DCP2: variants seen among roughly 807,000 people sequenced by gnomAD.
DCP2 encodes the protein m7GpppN-mRNA hydrolase.
Under a neutral mutation model 56.1 loss-of-function variants are expected in DCP2, and 30 were observed. The observed-to-expected ratio is 0.53, with a 90% confidence interval of 0.40 to 0.73. The LOEUF (loss-of-function observed/expected upper bound fraction) is 0.73. DCP2 is among the 30% of genes least tolerant of loss of function. The pLI, the probability that DCP2 is intolerant of heterozygous loss-of-function variation, is 0.00. For missense variants in DCP2, 533 were observed against 502.7 expected, an observed-to-expected ratio of 1.06 and a Z score of -0.58; for synonymous variants, 197 against 163.3, an observed-to-expected ratio of 1.21 and a Z score of -1.57.
intron 1 of DCP2, chr5:112,984,701 A>ATATATATATATATATATATATACAT (rs1181496332): frequency 1.3e-5 from 1 of 79,562 alleles, no homozygotes; most frequent in Non-Finnish European, 2.3e-5. Context: ...AAAAAAAAAA[A>ATATATATATATATATATATATACAT]AAATATATAT....
At chr5:112,992,624 C>A (rs1449610340) in intron 3 of DCP2, 48 bp from the exon 4 acceptor site, 3 of 1,306,014 alleles carry the variant, frequency 2.3e-6, no homozygotes, top group Non-Finnish European at 3.2e-6. Context: ...TAGAAAGGAG[C>A]ATGGAAAAGG....
intron 2 of DCP2, among the ~76,000 whole-genome samples, chr5:112,990,141 G>A (rs1010248932): frequency 1.3e-5 from 2 of 152,146 alleles, no homozygotes; most frequent in African/African-American, 4.8e-5. Flanking sequence ...GAATTGATGG[G>A]TTCTGTTATG....
At chr5:112,992,879 C>G (rs1169033171) in intron 4 of DCP2, 109 bp downstream of exon 4, 1 of 612,524 alleles carries the variant, frequency 1.6e-6, no homozygotes, top group Non-Finnish European at 2.5e-6. Context: ...CTTTCCAGAA[C>G]TTGAGTGCAT....
chr5:113,010,317 A>T (rs1179522163), intron 9 of DCP2, among the ~76,000 whole-genome samples: 1 of 149,828 alleles, frequency 6.7e-6, no homozygotes, highest in Non-Finnish European at 1.5e-5. Flanking sequence ...AAGTGCTGGG[A>T]TTACAGCTGT....
At chr5:113,005,931 G>A (rs144456751) in intron 8 of DCP2, among the ~76,000 whole-genome samples, 2 of 152,060 alleles carry the variant, frequency 1.3e-5, no homozygotes, top group East Asian at 3.9e-4. Context: ...CCAGTAGTTC[G>A]AGACCCACCT....
intron 1 of DCP2, among the ~76,000 whole-genome samples, chr5:112,978,602 T>C (rs1747841198): frequency 6.6e-6 from 1 of 152,100 alleles, no homozygotes; most frequent in African/African-American, 2.4e-5. Context: ...TGTACTTCTT[T>C]GGTGATGGTA....
rs1284690895 is a variant in DCP2 at position 113,018,691 on chromosome 5, G to T, written c.*5207G>T. The T allele has an allele frequency of 6.6e-6, 1 of 152,182 alleles. No homozygotes were observed. Among genetic ancestry groups the T allele is most frequent in the African/African-American group, 2.4e-5 (1 of 41,440 alleles). The allele number at this position is 152,182 out of a possible 1,614,324, so 9.4% of individuals were successfully genotyped here. A position where few individuals can be genotyped will look rare whatever the true frequency, so the allele number is the denominator to read the frequency against. ...TGGGTTATTGGCTACTGTTCGTTCA[G>T]TGCCATTTGAAGACCTGTTGTTTCT... On this transcript the variant is annotated 3_prime_UTR_variant, in exon 11 of 11. Coordinates refer to ENST00000389063, the MANE Select transcript of DCP2 (RefSeq NM_152624.6).
chr5:112,977,109 C>A, intron 1 of DCP2, 123 bp downstream of exon 1: 1 of 700,692 alleles, frequency 1.4e-6, no homozygotes, highest in Non-Finnish European at 2.2e-6. Context: ...CCCGCCGCTG[C>A]TCGCTTTCCA....
chr5:112,988,856 C>G (rs1156993628), intron 2 of DCP2, among the ~76,000 whole-genome samples: 1 of 152,184 alleles, frequency 6.6e-6, no homozygotes, highest in Non-Finnish European at 1.5e-5. Flanking sequence ...ACTTACAGCC[C>G]TTCTAGGGCA....
chr5:113,007,500 G>A (rs749802736), intron 8 of DCP2, among the ~76,000 whole-genome samples: 15 of 151,776 alleles, frequency 9.9e-5, no homozygotes, highest in South Asian at 2.1e-4. Context: ...TCCTGGGTTC[G>A]GGTGACTCTT....
chr5:112,980,143 A>G (rs1747928584), intron 1 of DCP2, among the ~76,000 whole-genome samples: 1 of 152,232 alleles, frequency 6.6e-6, no homozygotes, highest in Non-Finnish European at 1.5e-5. Context: ...AAACTCAAAT[A>G]CAGAGTTTTT....
rs114811229 is a variant in DCP2 at position 112,990,184 on chromosome 5, T to C, written c.206-1937T>C. Among the ~76,000 whole-genome samples the C allele has an allele frequency of 4.9e-3, 747 of 152,294 alleles. 5 individuals carry two copies. Among genetic ancestry groups the C allele is most frequent in the African/African-American group, 0.017 (722 of 41,558 alleles). On this transcript the variant is annotated intron_variant, in intron 2 of 10. Coordinates refer to ENST00000389063, the MANE Select transcript of DCP2 (RefSeq NM_152624.6). ...TGAGTTGATGGTACATGTGGGATAT[T>C]GCAGTAGAGAAGACTGCATACTTTG... is the stretch of plus-strand genomic sequence containing the variant.
chr5:112,984,498 T>C (rs1305912481), intron 1 of DCP2: 2 of 151,974 alleles, frequency 1.3e-5, no homozygotes, highest in East Asian at 3.9e-4. Context: ...TCATTTATCA[T>C]GGACTGTGCT....
chr5:112,982,929 C>A (rs1481479326), intron 1 of DCP2, among the ~76,000 whole-genome samples: 2 of 152,154 alleles, frequency 1.3e-5, no homozygotes, highest in Non-Finnish European at 1.5e-5. Context: ...CATTAATACG[C>A]TTCTCCTTTA....
intron 2 of DCP2, 150 bp from the exon 3 acceptor site, chr5:112,991,971 A>G (rs1217856523): frequency 1.0e-5 from 11 of 1,104,530 alleles, no homozygotes; most frequent in African/African-American, 3.3e-5. Flanking sequence ...GGTGTGAGCC[A>G]TGGTGCCTGG....
chr5:113,001,700 T>C (rs1175558350), intron 7 of DCP2, 26 bp downstream of exon 7: 3 of 1,585,362 alleles, frequency 1.9e-6, no homozygotes, highest in African/African-American at 1.3e-5. Flanking sequence ...CATGGAATCC[T>C]GATTTTCTAA....
At chr5:112,993,219 A>AT (rs1162089918) in intron 4 of DCP2, among the ~76,000 whole-genome samples, 3 of 152,210 alleles carry the variant, frequency 2.0e-5, no homozygotes, top group African/African-American at 7.2e-5. Context: ...TTCTTTAAGT[A>AT]TTTAAACTCT....
chr5:112,994,327 A>G lies in DCP2; in HGVS notation c.432+1557A>G, dbSNP rs138381164. Among the ~76,000 whole-genome samples the G allele has an allele frequency of 2.0e-3, 302 of 151,368 alleles. 6 individuals are homozygous for G. Among genetic ancestry groups the G allele is most frequent in the African/African-American group, 6.9e-3 (285 of 41,272 alleles). The stretch of plus-strand genomic sequence containing the variant: ...GTTGGGACCACAGTTGCATGCCACC[A>G]TGCCCAGCTAATTTTTTTTTTATTT... On this transcript the variant is annotated intron_variant, in intron 4 of 10. Coordinates refer to ENST00000389063, the MANE Select transcript of DCP2 (RefSeq NM_152624.6).
At chr5:112,993,590 C>G (rs892545136) in intron 4 of DCP2, among the ~76,000 whole-genome samples, 10 of 147,624 alleles carry the variant, frequency 6.8e-5, no homozygotes, top group Admixed American at 4.1e-4. Flanking sequence ...CACCATTGCA[C>G]TCTAGCCTGG....
Sources: allele counts gnomAD v4.1 joint callset (sites outside exome capture counted in the v4.1 genomes callset), GRCh38; gene constraint gnomAD v4.1.1; transcripts MANE v1.5; gene names NCBI Gene and HGNC (gene_info 2026-07-23, HGNC 2026-07-21).